ETFDH: variants seen among roughly 807,000 people sequenced by gnomAD.
ETFDH encodes the protein electron transfer flavoprotein dehydrogenase, also known as electron transfer flavoprotein-ubiquinone oxidoreductase, mitochondrial.
ETFDH carries 61 observed loss-of-function variants against 73.2 expected under a neutral mutation model. That is an observed-to-expected ratio of 0.83 (90% confidence interval 0.68 to 1.03). The LOEUF (loss-of-function observed/expected upper bound fraction) is 1.03. Ranked by LOEUF, ETFDH falls within the 50% of genes least tolerant of loss-of-function variation. The pLI is 0.00. For synonymous variants in ETFDH, 243 were observed against 253.3 expected (o/e 0.96, Z 0.39); for missense variants, 685 against 745.0 (o/e 0.92, Z 0.94).
intron 10 of ETFDH, among the ~76,000 whole-genome samples, chr4:158,703,990 T>C (rs1013608969): frequency 1.3e-5 from 2 of 152,240 alleles, no homozygotes; most frequent in Middle Eastern, 3.4e-3. Context: ...TCCCAGCTAC[T>C]TGGGAGGCTG....
At chr4:158,702,389 GAAC>G (rs904389648) in intron 9 of ETFDH, among the ~76,000 whole-genome samples, 2 of 151,894 alleles carry the variant, frequency 1.3e-5, no homozygotes, top group African/African-American at 2.4e-5. Context: ...CAGTGCTATA[GAAC>G]AATAGAACTT....
chr4:158,672,578 C>T, intron 1 of ETFDH, 88 bp downstream of exon 1: 2 of 1,313,384 alleles, frequency 1.5e-6, no homozygotes, highest in East Asian at 2.3e-5. Context: ...ACCTCTCGCC[C>T]CTTCTCTCAT....
chr4:158,690,839 A>G (rs1774146237), intron 6 of ETFDH, among the ~76,000 whole-genome samples: 1 of 152,200 alleles, frequency 6.6e-6, no homozygotes, highest in Non-Finnish European at 1.5e-5. Flanking sequence ...CCCTGTCTCT[A>G]TCAAAAATAC....
chr4:158,673,790 T>G (rs2150301317), intron 1 of ETFDH, among the ~76,000 whole-genome samples: 1 of 152,326 alleles, frequency 6.6e-6, no homozygotes. Context: ...ATTTCTGTTT[T>G]CTTTGGATGG....
chr4:158,697,161 C>G (rs1188318787), intron 7 of ETFDH, among the ~76,000 whole-genome samples: 1 of 151,904 alleles, frequency 6.6e-6, no homozygotes, highest in African/African-American at 2.4e-5. Context: ...GTGGCATGAT[C>G]TTGGCTCACC....
intron 6 of ETFDH, among the ~76,000 whole-genome samples, chr4:158,692,399 CAAAAAAAAAAAAAAAA>C (rs35615738): frequency 0.025 from 2,285 of 91,480 alleles, 42 homozygotes; most frequent in Middle Eastern, 0.042. Context: ...GACACCGTCT[CAAAAAAAAAAAAAAAA>C]AAAAAAAAAG....
chr4:158,682,420 A>G lies in ETFDH; in HGVS notation c.401A>G (p.Lys134Arg), dbSNP rs1474653298. 2 of 1,612,146 alleles carry G rather than the reference A, an allele frequency of 1.2e-6. No homozygotes were observed. Among genetic ancestry groups the G allele is most frequent in the African/African-American group, 2.7e-5 (2 of 74,908 alleles). The change falls in exon 3 of 13, where the codon AAG (lysine) becomes AGG (arginine). Residue 134 changes from lysine to arginine, a missense_variant. Physicochemically the swap from Lys to Arg is conservative, Grantham distance 26. Coordinates refer to ENST00000511912, the MANE Select transcript of ETFDH (RefSeq NM_004453.4). ...FKELFPDWKEKGAPLNTPVTE... is the reference protein window; with the variant it reads ...FKELFPDWKERGAPLNTPVTE... ...GAACTCTTCCCAGACTGGAAAGAGA[A>G]GGGGGTATGAAAAATTGTTTTTTAT... is the stretch of plus-strand genomic sequence containing the variant.
intron 3 of ETFDH, 68 bp from the exon 4 acceptor site, chr4:158,684,524 T>C (rs890064123): frequency 2.2e-6 from 2 of 911,290 alleles, no homozygotes; most frequent in Non-Finnish European, 3.6e-6. Context: ...TTTTATAGTT[T>C]TTTTGTATTT....
intron 9 of ETFDH, chr4:158,700,582 ACACAC>A (rs1561248551): frequency 3.4e-5 from 5 of 148,188 alleles, no homozygotes; most frequent in Non-Finnish European, 1.5e-5. Context: ...GCACACACAC[ACACAC>A]ACACACACAC....
At chr4:158,680,418 A>C (rs1436162901) in intron 1 of ETFDH, 49 bp from the exon 2 acceptor site, 1 of 1,423,958 alleles carries the variant, frequency 7.0e-7, no homozygotes, top group Non-Finnish European at 9.9e-7. Flanking sequence ...CAGTCTACTG[A>C]GGAAAACTAA....
chr4:158,692,399 C>CAAAAAAAAA (rs35615738), intron 6 of ETFDH, among the ~76,000 whole-genome samples: 1 of 91,458 alleles, frequency 1.1e-5, no homozygotes, highest in African/African-American at 4.6e-5. Flanking sequence ...GACACCGTCT[C>CAAAAAAAAA]AAAAAAAAAA....
chr4:158,688,995 A>G (rs1463187683), intron 5 of ETFDH, among the ~76,000 whole-genome samples: 1 of 152,190 alleles, frequency 6.6e-6, no homozygotes, highest in Non-Finnish European at 1.5e-5. Flanking sequence ...GGAAGACAGG[A>G]GGCATCCTTC....
At chr4:158,695,397 C>G in intron 6 of ETFDH, 100 bp from the exon 7 acceptor site, 1 of 843,666 alleles carries the variant, frequency 1.2e-6, no homozygotes, top group African/African-American at 1.7e-5. Flanking sequence ...TTTGCACTGT[C>G]TCTTCTACAT....
Position 158,709,000 on chromosome 4 carries a change from T to A in ETFDH, c.*473T>A, listed in dbSNP as rs572701009. On this transcript the variant is annotated 3_prime_UTR_variant, in exon 13 of 13. Transcript: ENST00000511912. The stretch of plus-strand genomic sequence containing the variant: ...TGATCTGGCCCTTGCAGAAGAAGTA[T>A]GCCCATCCCTGAACAAGTTTGTGTG... 6.6e-4 allele frequency: 113 copies of A among 171,852 alleles called. No homozygotes were observed. The South Asian group carries it at 0.011, about 17-fold the overall frequency. The allele number at this position is 171,852 out of a possible 1,614,324, so 10.6% of individuals were successfully genotyped here.
At chr4:158,677,055 T>C (rs1321165635) in intron 1 of ETFDH, among the ~76,000 whole-genome samples, 1 of 152,244 alleles carries the variant, frequency 6.6e-6, no homozygotes, top group African/African-American at 2.4e-5. Context: ...GGTTTTAATT[T>C]TGATGAAGTG....
At chr4:158,700,156 T>C (rs771594158) in intron 9 of ETFDH, among the ~76,000 whole-genome samples, 2 of 152,188 alleles carry the variant, frequency 1.3e-5, no homozygotes, top group Non-Finnish European at 2.9e-5. Flanking sequence ...GCCTTATCTT[T>C]AAAAGTGAGG....
chr4:158,677,919 AT>A, intron 1 of ETFDH, among the ~76,000 whole-genome samples: 1 of 152,324 alleles, frequency 6.6e-6, no homozygotes, highest in African/African-American at 2.4e-5. Context: ...GGTCACAAAG[AT>A]TTACACTCAT....
chr4:158,690,286 G>GT lies in ETFDH; in HGVS notation c.607-55dup, dbSNP rs1774128854. 13 of 932,718 alleles carry GT rather than the reference G, an allele frequency of 1.4e-5. 1 individual carries two copies. The highest frequency in any genetic ancestry group is 3.9e-5 in the South Asian group (3 of 76,422). 57.8% of individuals were successfully genotyped at this position (932,718 alleles called of 1,614,324 possible). On this transcript the variant is annotated intron_variant, in intron 5 of 12. Transcript: ENST00000511912. ...TCTAAGAAACCTAAGGCTGTTTACTGTTTTTTTCAAGATTATTATGAATTC... is the reference window on the plus strand; with the variant it reads ...TCTAAGAAACCTAAGGCTGTTTACTGTTTTTTTTCAAGATTATTATGAATTC...
At position 158,697,704 on chromosome 4, in the gene ETFDH, G is replaced by GTTA; in HGVS notation, c.972+7_972+9dup. The GTTA allele has an allele frequency of 6.2e-7, 1 of 1,612,846 alleles. No homozygotes were observed. On this transcript the variant is annotated splice_donor_region_variant and intron_variant, in intron 8 of 12. Coordinates refer to ENST00000511912, the MANE Select transcript of ETFDH (RefSeq NM_004453.4). ...CTAGTAGCTCTTGGTCTTGTGGTAAGTTATATTCCCATTAGGGAAAATTCT... is the reference window on the plus strand; with the variant it reads ...CTAGTAGCTCTTGGTCTTGTGGTAAGTTATTATATTCCCATTAGGGAAAATTCT...
Sources: allele counts gnomAD v4.1 joint callset (sites outside exome capture counted in the v4.1 genomes callset), GRCh38; gene constraint gnomAD v4.1.1; transcripts MANE v1.5; gene names NCBI Gene and HGNC (gene_info 2026-07-23, HGNC 2026-07-21).